ME2: variants seen among roughly 807,000 people sequenced by gnomAD.
The protein encoded by ME2 is malic enzyme 2.
A neutral mutation model predicts 73.7 loss-of-function variants in ME2; 60 were observed. That is an observed-to-expected ratio of 0.81 (90% CI 0.66 to 1.01). The LOEUF (loss-of-function observed/expected upper bound fraction) is 1.01, where lower values mean the gene tolerates loss of function less well. ME2 is among the 50% of genes least tolerant of loss of function. ME2 has a pLI of 0.00. For synonymous variants in ME2, 199 were observed against 236.9 expected, an observed-to-expected ratio of 0.84 and a Z score of 1.47; for missense variants, 594 against 705.5, an observed-to-expected ratio of 0.84 and a Z score of 1.79.
intron 12 of ME2, among the ~76,000 whole-genome samples, chr18:50,926,839 G>A (rs1599115386): frequency 6.6e-6 from 1 of 152,096 alleles, no homozygotes; most frequent in Admixed American, 6.5e-5. Flanking sequence ...TGTTTTATCT[G>A]TATAGTAATT....
chr18:50,950,267 T>A lies in ME2; in HGVS notation c.*3083T>A, dbSNP rs1918192398. 1 of 152,156 alleles carries A rather than the reference T, an allele frequency of 6.6e-6. No individual in the cohort carries two copies. Among genetic ancestry groups the A allele is most frequent in the Admixed American group, 6.5e-5 (1 of 15,270 alleles). The allele number at this position is 152,156 out of a possible 1,614,324, so 9.4% of individuals were successfully genotyped here. On this transcript the variant is annotated 3_prime_UTR_variant, in exon 16 of 16. Coordinates refer to ENST00000321341, the MANE Select transcript of ME2 (RefSeq NM_002396.5). ...AAGTTGCCTCAGATCACTGTGAAGC[T>A]TTAAAATGCAGGTGCCTTTGCTCCT...
intron 1 of ME2, among the ~76,000 whole-genome samples, chr18:50,894,324 G>A (rs923074548): frequency 1.3e-5 from 2 of 152,274 alleles, no homozygotes; most frequent in East Asian, 3.9e-4. Context: ...AGCACTTTGG[G>A]AGGCCGAGGC....
At chr18:50,908,896 C>T (rs1357336079) in intron 3 of ME2, among the ~76,000 whole-genome samples, 1 of 151,926 alleles carries the variant, frequency 6.6e-6, no homozygotes, top group Non-Finnish European at 1.5e-5. Context: ...CCGCCTCAGC[C>T]TCCCAAAGTG....
Position 50,908,132 on chromosome 18 carries a change from A to G in ME2, c.178A>G (p.Thr60Ala), listed in dbSNP as rs1463629486. Residue 60 changes from threonine to alanine, a missense_variant, in exon 3 of 16, where the codon ACA (threonine) becomes GCA (alanine). Transcript: ENST00000321341. ...LQGLLPPKIE[T>A]QDIQALRFHR... ...AGGACTTCTACCTCCCAAAATAGAG[A>G]CACAAGATATTCAAGCCTTACGATT... 1 of 1,607,634 alleles carries G rather than the reference A, an allele frequency of 6.2e-7. No homozygotes were observed. Among genetic ancestry groups the G allele is most frequent in the African/African-American group, 1.3e-5 (1 of 74,778 alleles).
In ME2 at chr18:50,951,753, C is replaced by T. The variant is rs1194432564; in HGVS notation, c.*4569C>T. On this transcript the variant is annotated 3_prime_UTR_variant, in exon 16 of 16. Transcript: ENST00000321341. ...CTTAGCCAGGCGTGGTGGCGGGCGC[C>T]TGTAGTCCCAGGTACTCGGGAGTCT... The T allele has an allele frequency of 1.3e-5, 2 of 151,528 alleles. No homozygotes were observed. The highest frequency in any genetic ancestry group is 4.9e-5 in the African/African-American group (2 of 41,172). 9.4% of individuals were successfully genotyped at this position (151,528 alleles called of 1,614,324 possible).
At chr18:50,888,567 A>ATT (rs201234055) in intron 1 of ME2, among the ~76,000 whole-genome samples, 3 of 150,970 alleles carry the variant, frequency 2.0e-5, no homozygotes, top group African/African-American at 7.3e-5. Flanking sequence ...TCTGGGCTTT[A>ATT]TTTTTTTTTC....
At position 50,949,225 on chromosome 18, in the gene ME2, G is replaced by T. The variant is rs1281394705; in HGVS notation, c.*2041G>T. ...ATTTGGAGTATGGGAAAATGCAGTTGGTTAATTCATTGAACAGATTAGTAA... is the reference window on the plus strand; with the variant it reads ...ATTTGGAGTATGGGAAAATGCAGTTTGTTAATTCATTGAACAGATTAGTAA... On this transcript the variant is annotated 3_prime_UTR_variant, in exon 16 of 16. Coordinates refer to ENST00000321341, the MANE Select transcript of ME2 (RefSeq NM_002396.5). The T allele has an allele frequency of 6.6e-6, 1 of 152,180 alleles. No individual in the cohort carries two copies. Among genetic ancestry groups the T allele is most frequent in the Non-Finnish European group, 1.5e-5 (1 of 68,030 alleles). The allele number at this position is 152,180 out of a possible 1,614,324, so 9.4% of individuals were successfully genotyped here.
chr18:50,907,117 G>A (rs1314963041), intron 2 of ME2, among the ~76,000 whole-genome samples: 1 of 152,090 alleles, frequency 6.6e-6, no homozygotes, highest in Non-Finnish European at 1.5e-5. Flanking sequence ...TTTTCAGATG[G>A]GGTGAGCGCC....
intron 15 of ME2, among the ~76,000 whole-genome samples, chr18:50,943,765 G>A (rs1918018139): frequency 6.6e-6 from 1 of 152,124 alleles, no homozygotes; most frequent in Admixed American, 6.5e-5. Flanking sequence ...AAAGCCAGCT[G>A]TACAAATATA....
At chr18:50,932,450 G>A (rs1176765256) in intron 13 of ME2, 90 bp downstream of exon 13, 6 of 942,788 alleles carry the variant, frequency 6.4e-6, no homozygotes, top group Non-Finnish European at 9.5e-6. Flanking sequence ...ACTGAACTGA[G>A]CAACAGTATT....
chr18:50,927,652 A>C (rs965657891), intron 12 of ME2, among the ~76,000 whole-genome samples: 1 of 148,032 alleles, frequency 6.8e-6, no homozygotes, highest in Non-Finnish European at 1.5e-5. Flanking sequence ...CATTGAGCCG[A>C]GATCGCACCA....
chr18:50,947,008 A>G lies in ME2; in HGVS notation c.1588-9A>G, dbSNP rs913512982. 4.4e-6 allele frequency: 7 copies of G among 1,606,910 alleles called. No individual in the cohort carries two copies. The highest frequency in any genetic ancestry group is 6.0e-6 in the Non-Finnish European group (7 of 1,173,918). Reference sequence around the variant, plus strand: ...CAGAGCCTACACAATAACCTTACTTATTTTTCAGGTTACAGAATACCTATA... The same window carrying G: ...CAGAGCCTACACAATAACCTTACTTGTTTTTCAGGTTACAGAATACCTATA... On this transcript the variant is annotated splice_polypyrimidine_tract_variant and intron_variant, in intron 15 of 15. Transcript: ENST00000321341.
At position 50,925,817 on chromosome 18, in the gene ME2, T is replaced by C; in HGVS notation, c.1233T>C (p.Asn411=). 6.2e-7 allele frequency: 1 copy of C among 1,612,354 alleles called. No individual in the cohort carries two copies. Among genetic ancestry groups the C allele is most frequent in the Non-Finnish European group, 8.5e-7 (1 of 1,178,414 alleles). The stretch of plus-strand genomic sequence containing the variant: ...TAATCAGAGCCATGGCCTCTATCAA[T>C]GAAAGGCCTGTAATATTTGCATTAA... ...PDVIRAMASI[N]ERPVIFALSN... is the part of the protein sequence containing the mutation. The change falls in exon 12 of 16, where the codon AAT becomes AAC. Residue 411 remains asparagine, a synonymous_variant. Transcript: ENST00000321341.
rs1016045488 is a variant in ME2 at position 50,901,998 on chromosome 18, G to A, written c.109-6065G>A. 3.3e-5 allele frequency among the ~76,000 whole-genome samples: 5 copies of A among 152,174 alleles called. No individual in the cohort carries two copies. In the South Asian group the frequency reaches 1.0e-3, roughly 32 times the overall value. Reference sequence around the variant, plus strand: ...TATTCTTTTCAAGATGTAAGATTGTGAAGAGATTTTACTACAGATTCTTAA... The same window carrying A: ...TATTCTTTTCAAGATGTAAGATTGTAAAGAGATTTTACTACAGATTCTTAA... On this transcript the variant is annotated intron_variant, in intron 2 of 15. Transcript: ENST00000321341.
intron 13 of ME2, among the ~76,000 whole-genome samples, chr18:50,938,190 C>T (rs1917859452): frequency 1.3e-5 from 2 of 152,028 alleles, no homozygotes; most frequent in East Asian, 1.9e-4. Flanking sequence ...TAGCCAGGTG[C>T]GATGGTACAT....
intron 12 of ME2, among the ~76,000 whole-genome samples, chr18:50,931,797 C>T (rs1054982671): frequency 1.3e-5 from 2 of 151,838 alleles, no homozygotes; most frequent in Non-Finnish European, 2.9e-5. Context: ...GCCTCAGGCT[C>T]CTGAGTAGCT....
At chr18:50,882,079 A>G (rs768050712) in intron 1 of ME2, among the ~76,000 whole-genome samples, 6 of 152,120 alleles carry the variant, frequency 3.9e-5, no homozygotes, top group Non-Finnish European at 8.8e-5. Flanking sequence ...GTTCACTGCA[A>G]CCTCAACCTC....
chr18:50,914,372 A>C (rs1031409462), intron 4 of ME2, among the ~76,000 whole-genome samples: 6 of 152,236 alleles, frequency 3.9e-5, no homozygotes, highest in African/African-American at 1.4e-4. Flanking sequence ...CCCCACCCCC[A>C]GAGATTCAGA....
intron 2 of ME2, among the ~76,000 whole-genome samples, chr18:50,903,732 A>G (rs933919848): frequency 1.3e-5 from 2 of 152,188 alleles, no homozygotes; most frequent in African/African-American, 4.8e-5. Flanking sequence ...TACAGGCATG[A>G]ACCACTGTGC....
Sources: gnomAD v4.1 joint callset for allele counts (sites outside exome capture counted in the v4.1 genomes callset) on GRCh38, gnomAD v4.1.1 for gene constraint, MANE v1.5 for transcripts, NCBI Gene and HGNC (gene_info 2026-07-23, HGNC 2026-07-21) for gene names.